Variants in SREBF1 observed in about 807,000 individuals in gnomAD.
The protein encoded by SREBF1 is sterol regulatory element-binding protein 1.
In SREBF1, 45 loss-of-function variants were observed where a neutral mutation model predicts 100.1. The ratio of observed to expected loss-of-function variants is 0.45; its 90% confidence interval spans 0.35 to 0.58. SREBF1 has a LOEUF of 0.58. Ranked by LOEUF, SREBF1 falls within the 20% of genes least tolerant of loss-of-function variation. The probability of loss-of-function intolerance (pLI) is 0.00; values close to 1 mark genes in which losing one functional copy is unlikely to be tolerated. For synonymous variants in SREBF1, 657 were observed against 681.8 expected, an observed-to-expected ratio of 0.96 and a Z score of 0.57; for missense variants, 1,324 against 1,539.4, an observed-to-expected ratio of 0.86 and a Z score of 2.34.
chr17:17,819,478 G>A (rs762701559), intron 3 of SREBF1, 24 bp from the exon 4 acceptor site: 3 of 1,613,396 alleles, frequency 1.9e-6, no homozygotes, highest in East Asian at 2.2e-5. Context: ...AGGCTTGGCT[G>A]TAAGCTGTGT....
intron 1 of SREBF1, among the ~76,000 whole-genome samples, chr17:17,834,683 C>T (rs888239073): frequency 2.0e-5 from 3 of 152,178 alleles, no homozygotes; most frequent in Admixed American, 2.0e-4. Context: ...TAAGAAAGGT[C>T]TGTATCAGAC....
intron 1 of SREBF1, among the ~76,000 whole-genome samples, chr17:17,835,301 C>T (rs1379544738): frequency 6.6e-6 from 1 of 152,136 alleles, no homozygotes; most frequent in East Asian, 1.9e-4. Flanking sequence ...GTTCATCACT[C>T]CAGAGGGCAG....
At chr17:17,818,205 G>A in intron 6 of SREBF1, 55 bp downstream of exon 6, 3 of 1,497,374 alleles carry the variant, frequency 2.0e-6, no homozygotes, top group Non-Finnish European at 1.9e-6. Flanking sequence ...GGGCCGGGAG[G>A]TGGAGCAAGG....
In SREBF1 at chr17:17,812,353, G is replaced by A. The variant is rs2032964584; in HGVS notation, c.*269C>T. The A allele has an allele frequency of 1.7e-6, 1 of 574,226 alleles. No individual in the cohort carries two copies. Among genetic ancestry groups the A allele is most frequent in the Non-Finnish European group, 3.1e-6 (1 of 325,298 alleles). 35.6% of individuals were successfully genotyped at this position (574,226 alleles called of 1,614,324 possible). A position where few individuals can be genotyped will look rare whatever the true frequency, so the allele number is the denominator to read the frequency against. On this transcript the variant is annotated 3_prime_UTR_variant, in exon 19 of 19. Transcript: ENST00000261646. The stretch of plus-strand genomic sequence containing the variant: ...GAAAAAAGCCACTAAGGTGCCTGCA[G>A]AGCAAGGAGGGGGGCCCCCCAAAAT...
intron 1 of SREBF1, among the ~76,000 whole-genome samples, chr17:17,823,863 C>T (rs895339195): frequency 6.6e-6 from 1 of 152,048 alleles, no homozygotes; most frequent in African/African-American, 2.4e-5. Context: ...CCCCGCGGCG[C>T]TGAATGGGGT....
At chr17:17,818,740 T>C (rs989068843) in intron 5 of SREBF1, 15 of 577,800 alleles carry the variant, frequency 2.6e-5, no homozygotes, top group African/African-American at 5.6e-5. Context: ...ACTGTCCATC[T>C]CCCCCACCAG....
At chr17:17,814,017 C>T in intron 16 of SREBF1, 1 of 654,690 alleles carries the variant, frequency 1.5e-6, no homozygotes, top group Non-Finnish European at 2.6e-6. Flanking sequence ...TCCTACCACA[C>T]CATCCACCCC....
chr17:17,821,152 T>TATACAC (rs1555571693), intron 1 of SREBF1, among the ~76,000 whole-genome samples: 1 of 149,382 alleles, frequency 6.7e-6, no homozygotes, highest in Non-Finnish European at 1.5e-5. Flanking sequence ...TCCACACACA[T>TATACAC]ACACACACAC....
intron 1 of SREBF1, among the ~76,000 whole-genome samples, chr17:17,827,602 G>A (rs1456549599): frequency 6.6e-6 from 1 of 152,172 alleles, no homozygotes; most frequent in Non-Finnish European, 1.5e-5. Flanking sequence ...GGGCACAAGT[G>A]TGTGCCAGCT....
intron 1 of SREBF1, among the ~76,000 whole-genome samples, chr17:17,833,499 C>A (rs1192112840): frequency 3.6e-5 from 5 of 140,272 alleles, no homozygotes; most frequent in Non-Finnish European, 7.5e-5. Context: ...AGATCCACAG[C>A]TGCCCGGGGC....
At chr17:17,821,845 T>C (rs1341032479) in intron 1 of SREBF1, among the ~76,000 whole-genome samples, 2 of 152,122 alleles carry the variant, frequency 1.3e-5, no homozygotes, top group Non-Finnish European at 2.9e-5. Context: ...GTCAGAAGGG[T>C]GGGTCTGGTC....
chr17:17,811,610 C>A lies in SREBF1; in HGVS notation c.*1012G>T, dbSNP rs1167678484. On this transcript the variant is annotated 3_prime_UTR_variant, in exon 19 of 19. Transcript: ENST00000261646. ...GGAAACCTCCCCCGCCCCTGTGCCC[C>A]CTCTCCAGTGTGGCGGCAGGTCGGG... is the stretch of plus-strand genomic sequence containing the variant. 4.8e-6 allele frequency: 2 copies of A among 420,186 alleles called. No homozygotes were observed. Among genetic ancestry groups the A allele is most frequent in the Non-Finnish European group, 4.7e-6 (1 of 214,668 alleles). The allele number at this position is 420,186 out of a possible 1,614,324, so 26.0% of individuals were successfully genotyped here.
intron 6 of SREBF1, 64 bp downstream of exon 6, chr17:17,818,196 G>A (rs1027917743): frequency 1.8e-4 from 256 of 1,418,538 alleles, no homozygotes; most frequent in Non-Finnish European, 2.4e-4. Context: ...GATGGGGTGG[G>A]GCCGGGAGGT....
Position 17,815,344 on chromosome 17 carries a change from A to T in SREBF1, c.2384-15T>A. 1.9e-6 allele frequency: 3 copies of T among 1,606,666 alleles called. No homozygotes were observed. Among genetic ancestry groups the T allele is most frequent in the Middle Eastern group, 1.7e-4 (1 of 6,046 alleles). On this transcript the variant is annotated splice_polypyrimidine_tract_variant and intron_variant, in intron 12 of 18. Coordinates refer to ENST00000261646, the MANE Select transcript of SREBF1 (RefSeq NM_004176.5). The stretch of plus-strand genomic sequence containing the variant: ...CAGGGGGTCCACTGTGGAGAGGAGG[A>T]GGTGAGTGGGGTGGGGAGCAGGGCC...
At position 17,814,265 on chromosome 17, in the gene SREBF1, C is replaced by T. The variant is rs1292100676; in HGVS notation, c.2881G>A (p.Ala961Thr). ...CTCACCTTGTCAATGGAGCTGCTGG[C>T]TGGTGTGGTAGCCAGGCTGTCCTGC... ...YLQDSLATTP[A>T]SSSIDKAVQL... Residue 961 changes from alanine (A) to threonine (T), a missense_variant, in exon 16 of 19, where the codon GCC (alanine) becomes ACC (threonine). By Grantham distance (58) the Ala-to-Thr change is moderately conservative (BLOSUM62 0). Coordinates refer to ENST00000261646, the MANE Select transcript of SREBF1 (RefSeq NM_004176.5). 2 of 1,605,626 alleles carry T rather than the reference C, an allele frequency of 1.2e-6. No individual in the cohort carries two copies. Among genetic ancestry groups the T allele is most frequent in the Non-Finnish European group, 1.7e-6 (2 of 1,177,214 alleles).
At chr17:17,832,759 A>G (rs1473474294) in intron 1 of SREBF1, among the ~76,000 whole-genome samples, 1 of 151,932 alleles carries the variant, frequency 6.6e-6, no homozygotes, top group African/African-American at 2.4e-5. Context: ...TCTCTACTAA[A>G]AATACAAAAA....
At chr17:17,822,246 C>G (rs1389975272) in intron 1 of SREBF1, among the ~76,000 whole-genome samples, 3 of 152,334 alleles carry the variant, frequency 2.0e-5, no homozygotes, top group African/African-American at 7.2e-5. Flanking sequence ...ACTAAGAAGC[C>G]AAGAGCCAGG....
At chr17:17,835,880 T>C (rs572006170) in intron 1 of SREBF1, among the ~76,000 whole-genome samples, 1 of 152,368 alleles carries the variant, frequency 6.6e-6, no homozygotes, top group South Asian at 2.1e-4. Context: ...CTCACTCCTT[T>C]GCAAGCCTCT....
Position 17,820,271 on chromosome 17 carries a change from G to A in SREBF1, c.342C>T (p.Pro114=), listed in dbSNP as rs762042920. 5.5e-5 allele frequency: 88 copies of A among 1,613,788 alleles called. No homozygotes were observed. The highest frequency in any genetic ancestry group is 6.8e-5 in the Non-Finnish European group (80 of 1,180,010). ...TGATACCAGGCCCAGGGGAGAAAGC[G>A]GGCATGGACGGGTACATCTTCAATG... The part of the protein sequence containing the change: ...PTPLKMYPSM[P]AFSPGPGIKE... The change falls in exon 2 of 19, where the codon CCC becomes CCT. Residue 114 remains proline (P), a synonymous_variant. Transcript: ENST00000261646.
Sources: allele counts gnomAD v4.1 joint callset (sites outside exome capture counted in the v4.1 genomes callset), GRCh38; gene constraint gnomAD v4.1.1; transcripts MANE v1.5; gene names NCBI Gene and HGNC (gene_info 2026-07-23, HGNC 2026-07-21).